KRT12: variants seen among roughly 807,000 people sequenced by gnomAD.
KRT12 encodes the protein keratin, type I cytoskeletal 12.
Under a neutral mutation model 50.2 loss-of-function variants are expected in KRT12, and 43 were observed. That is an observed-to-expected ratio of 0.86 (90% CI 0.67 to 1.11). The LOEUF is 1.11. Ranked by LOEUF, KRT12 falls within the 50% of genes least tolerant of loss-of-function variation. The pLI is 0.00. For synonymous variants in KRT12, 257 were observed against 253.6 expected, an observed-to-expected ratio of 1.01 and a Z score of -0.13; for missense variants, 588 against 625.6, an observed-to-expected ratio of 0.94 and a Z score of 0.64.
In KRT12 at chr17:40,861,634, C is replaced by T; in HGVS notation, c.*27G>A. ...TGTAAATTTCTTGTTCCTAAGGAACCAATCATGGGGCAGATCTTGTGAAAT... is the reference window on the plus strand; with the variant it reads ...TGTAAATTTCTTGTTCCTAAGGAACTAATCATGGGGCAGATCTTGTGAAAT... On this transcript the variant is annotated 3_prime_UTR_variant, in exon 8 of 8. Transcript: ENST00000251643. 2 of 1,388,030 alleles carry T rather than the reference C, an allele frequency of 1.4e-6. No individual in the cohort carries two copies. Among genetic ancestry groups the T allele is most frequent in the Admixed American group, 1.7e-5 (1 of 59,714 alleles). The allele number at this position is 1,388,030 out of a possible 1,614,324, so 86.0% of individuals were successfully genotyped here.
At position 40,861,693 on chromosome 17, in the gene KRT12, A is replaced by T. The variant is rs1273569157; in HGVS notation, c.1453T>A (p.Ser485Thr). 1 of 1,613,294 alleles carries T rather than the reference A, an allele frequency of 6.2e-7. No individual in the cohort carries two copies. The change falls in exon 8 of 8, where the codon TCT (serine) becomes ACT (threonine). Residue 485 changes from serine (S) to threonine (T), a missense_variant. Ser to Thr is a moderately conservative substitution (Grantham distance 58). Coordinates refer to ENST00000251643, the MANE Select transcript of KRT12 (RefSeq NM_000223.4). ...AGTTCTTCAATTTCCTGAACTTGAG[A>T]TGAGACCACCTCACCATTCACCATC... ...QEMVNGEVVS[S>T]QVQEIEELM
At position 40,863,764 on chromosome 17, in the gene KRT12, G is replaced by A; in HGVS notation, c.908C>T (p.Ala303Val). Residue 303 changes from alanine (A) to valine (V), a missense_variant, in exon 4 of 8, where the codon GCG becomes GTG. Ala to Val is a moderately conservative substitution (Grantham distance 64, BLOSUM62 0). Coordinates refer to ENST00000251643, the MANE Select transcript of KRT12 (RefSeq NM_000223.4). This position sits in a 1 kb window ranked among gnomAD's most constrained non-coding sequence, Gnocchi z 4.2. Reference protein sequence around the residue: ...DLTRLLNDMRAQYETIAEQNR... With the variant: ...DLTRLLNDMRVQYETIAEQNR... The stretch of plus-strand genomic sequence containing the variant: ...CTGCTCAGCGATGGTTTCATACTGC[G>A]CCCGCATATCATTGAGGAGCCTGGT... 1 of 1,613,102 alleles carries A rather than the reference G, an allele frequency of 6.2e-7. No individual in the cohort carries two copies. The highest frequency in any genetic ancestry group is 1.1e-5 in the South Asian group (1 of 91,032).
At chr17:40,862,530 G>C (rs564308735) in intron 7 of KRT12, 35 bp downstream of exon 7, 11 of 1,455,770 alleles carry the variant, frequency 7.6e-6, no homozygotes, top group Non-Finnish European at 1.1e-5. Context: ...ATGTGATTCC[G>C]ACTTATTCTA....
chr17:40,862,493 G>T, intron 7 of KRT12, 72 bp downstream of exon 7: 3 of 947,042 alleles, frequency 3.2e-6, no homozygotes, highest in Non-Finnish European at 3.5e-6. Context: ...AGTAGTCAAT[G>T]AGGTCTTACA....
intron 3 of KRT12, among the ~76,000 whole-genome samples, chr17:40,864,277 G>A (rs115544052): frequency 6.6e-6 from 1 of 152,160 alleles, no homozygotes; most frequent in African/African-American, 2.4e-5. Flanking sequence ...GCTGCAGACA[G>A]TACCTGGGCT....
rs1004340387 is a variant in KRT12, at chr17:40,864,212, A to G, written c.808-348T>C. ...TTGAGGGACCACGACCTTCACGTGA[A>G]AGGAGGCCTGGCGTACACTCACTGG... is the stretch of plus-strand genomic sequence containing the variant. On this transcript the variant is annotated intron_variant, in intron 3 of 7. Transcript: ENST00000251643. 2.0e-5 allele frequency among the ~76,000 whole-genome samples: 3 copies of G among 152,074 alleles called. No homozygotes were observed. The South Asian group carries it at 6.2e-4, about 32-fold the overall frequency.
chr17:40,865,083 T>C, intron 2 of KRT12, 121 bp from the exon 3 acceptor site: 1 of 1,050,630 alleles, frequency 9.5e-7, no homozygotes, highest in Non-Finnish European at 1.4e-6. Flanking sequence ...AGCATTGTAG[T>C]GTATGATGCA....
At chr17:40,862,717 T>A in intron 6 of KRT12, 82 bp from the exon 7 acceptor site, 1 of 1,033,964 alleles carries the variant, frequency 9.7e-7, no homozygotes, top group South Asian at 1.3e-5. Flanking sequence ...AAATTAGATT[T>A]CCCAATTTGT....
Position 40,863,936 on chromosome 17 carries a change from C to T in KRT12, c.808-72G>A, listed in dbSNP as rs977538991. 3.3e-5 allele frequency: 31 copies of T among 932,392 alleles called. No individual in the cohort carries two copies. The highest frequency in any genetic ancestry group is 7.1e-4 in the Middle Eastern group (2 of 2,806). The allele number at this position is 932,392 out of a possible 1,614,324, so 57.8% of individuals were successfully genotyped here. A position where few individuals can be genotyped will look rare whatever the true frequency, so the allele number is the denominator to read the frequency against. ...TTTCGTGGGCCCTGGATACTTTTGT[C>T]CTCTTGGGCCCCTTCCTACACACAC... On this transcript the variant is annotated intron_variant, in intron 3 of 7. Coordinates refer to ENST00000251643, the MANE Select transcript of KRT12 (RefSeq NM_000223.4). The surrounding 1 kb of genome is among the most constrained non-coding windows in gnomAD (Gnocchi z 4.2).
intron 3 of KRT12, among the ~76,000 whole-genome samples, chr17:40,864,294 C>T (rs528364437): frequency 6.6e-6 from 1 of 152,252 alleles, no homozygotes; most frequent in African/African-American, 2.4e-5. Context: ...GGCTTGCACG[C>T]TGTTTGTGCC....
rs1211162885 is a variant in KRT12 at position 40,866,957 on chromosome 17, A to G, written c.230T>C (p.Met77Thr). Residue 77 changes from methionine (M) to threonine (T), a missense_variant, in exon 1 of 8, where the codon ATG (methionine) becomes ACG (threonine). Physicochemically the swap from Met to Thr is moderately conservative, Grantham distance 81. Coordinates refer to ENST00000251643, the MANE Select transcript of KRT12 (RefSeq NM_000223.4). ...ATAACCAGCACCCAGTCCTCCTGCC[A>G]TGGAACTTCCGGAGCCACCCCCAAA... ...SGFGGGSGSS[M>T]AGGLGAGYGR... 3 of 1,602,452 alleles carry G rather than the reference A, an allele frequency of 1.9e-6. No homozygotes were observed. The highest frequency in any genetic ancestry group is 3.5e-5 in the Admixed American group (2 of 57,850).
Position 40,865,079 on chromosome 17 carries a change from G to A in KRT12, c.651-117C>T, listed in dbSNP as rs148083326. 58 of 1,095,446 alleles carry A rather than the reference G, an allele frequency of 5.3e-5. No individual in the cohort carries two copies. The African/African-American group carries it at 8.0e-4, about 15-fold the overall frequency. The allele number at this position is 1,095,446 out of a possible 1,614,324, so 67.9% of individuals were successfully genotyped here. A position where few individuals can be genotyped will look rare whatever the true frequency, so the allele number is the denominator to read the frequency against. On this transcript the variant is annotated intron_variant, in intron 2 of 7. Transcript: ENST00000251643. ...GCACCTACTTAATAATGGCAGCATT[G>A]TAGTGTATGATGCAGTTTTTGCTGT...
In KRT12 at chr17:40,867,027, C is replaced by T. The variant is rs141949869; in HGVS notation, c.160G>A (p.Gly54Arg). ...ATGGAAGCAGCAGAAAAGCCTCCCC[C>T]ACAGCTGGCTCCAAAGCCAAAGGCA... ...GSAFGFGASCGGGFSAASMFG... is the reference protein window; with the variant it reads ...GSAFGFGASCRGGFSAASMFG... Residue 54 changes from glycine to arginine, a missense_variant, in exon 1 of 8, where the codon GGG becomes AGG. Gly to Arg is a moderately radical substitution (Grantham distance 125). Coordinates refer to ENST00000251643, the MANE Select transcript of KRT12 (RefSeq NM_000223.4). 124 of 1,601,866 alleles carry T rather than the reference C, an allele frequency of 7.7e-5. 1 individual carries two copies. In the East Asian group the frequency reaches 1.7e-3, roughly 23 times the overall value.
intron 1 of KRT12, 103 bp from the exon 2 acceptor site, chr17:40,866,340 TTTTA>T: frequency 1.1e-6 from 1 of 916,306 alleles, no homozygotes. Context: ...TTAAATGCTG[TTTTA>T]TTTAGAGTTT....
Position 40,863,287 on chromosome 17 carries a change from C to A in KRT12, c.1152G>T (p.Leu384=). The change falls in exon 6 of 8, where the codon CTG becomes CTT. Residue 384 remains leucine (L), a synonymous_variant. Coordinates refer to ENST00000251643, the MANE Select transcript of KRT12 (RefSeq NM_000223.4). The surrounding 1 kb of genome is among the most constrained non-coding windows in gnomAD (Gnocchi z 4.2). The part of the protein sequence containing the change: ...AEAEGDYCAQ[L]SQVQQLISNL... ...TGCTGATGAGCTGCTGCACCTGGGA[C>A]AGCTGCGCGCAGTAATCGCCCTCGG... 6.2e-7 allele frequency: 1 copy of A among 1,613,990 alleles called. No individual in the cohort carries two copies. The highest frequency in any genetic ancestry group is 1.1e-5 in the South Asian group (1 of 91,066).
chr17:40,865,993 C>T (rs13380796), intron 2 of KRT12, among the ~76,000 whole-genome samples, 162 bp downstream of exon 2: 1,732 of 152,278 alleles, frequency 0.011, 41 homozygotes, highest in African/African-American at 0.04. Context: ...ATCTGAATTG[C>T]ATTAGATTCT....
At position 40,863,646 on chromosome 17, in the gene KRT12, T is replaced by A. The variant is rs1247217533; in HGVS notation, c.970-36A>T. The A allele has an allele frequency of 4.3e-6, 7 of 1,613,978 alleles. No homozygotes were observed. In the African/African-American group the frequency reaches 8.0e-5, roughly 18 times the overall value. ...AAAGACAGCCAGGGGGCTCGAGCGC[T>A]GAGCTCGTTCGCAGGCCTTTCTGTG... On this transcript the variant is annotated intron_variant, in intron 4 of 7. Coordinates refer to ENST00000251643, the MANE Select transcript of KRT12 (RefSeq NM_000223.4). This position sits in a 1 kb window ranked among gnomAD's most constrained non-coding sequence, Gnocchi z 4.2.
intron 7 of KRT12, among the ~76,000 whole-genome samples, chr17:40,862,222 C>T (rs1245421596): frequency 2.0e-5 from 3 of 152,120 alleles, no homozygotes; most frequent in Non-Finnish European, 4.4e-5. Flanking sequence ...GTATACACCA[C>T]CACACCCAGC....
Position 40,867,117 on chromosome 17 carries a change from G to T in KRT12, c.70C>A (p.Gln24Lys), listed in dbSNP as rs1469212401. The stretch of plus-strand genomic sequence containing the variant: ...CCCCTGGGTCTGCCTATCACACTCT[G>T]CGAGGAGAGCCGCCGGGACAGTCCG... The part of the protein sequence containing the change: ...TPGLSRRLSS[Q>K]SVIGRPRGMS... The change falls in exon 1 of 8, where the codon CAG (glutamine) becomes AAG (lysine). Residue 24 changes from glutamine to lysine, a missense_variant. Gln to Lys is a moderately conservative substitution (Grantham distance 53). Transcript: ENST00000251643. The T allele has an allele frequency of 6.2e-7, 1 of 1,613,586 alleles. No individual in the cohort carries two copies. The highest frequency in any genetic ancestry group is 8.5e-7 in the Non-Finnish European group (1 of 1,180,042).
Sources: gnomAD v4.1 joint callset for allele counts (sites outside exome capture counted in the v4.1 genomes callset) on GRCh38, gnomAD v4.1.1 for gene constraint, Gnocchi (gnomAD v3.1) non-coding constraint, MANE v1.5 for transcripts, NCBI Gene and HGNC (gene_info 2026-07-23, HGNC 2026-07-21) for gene names.